The following ARHGEF2 variants were observed in gnomAD, a reference collection of about 807,000 sequenced individuals.
ARHGEF2 encodes Rho/Rac guanine nucleotide exchange factor 2, also known as rho guanine nucleotide exchange factor 2.
Under a neutral mutation model 121.0 loss-of-function variants are expected in ARHGEF2, and 22 were observed. The observed-to-expected ratio is 0.18, with a 90% CI of 0.13 to 0.26. The LOEUF (loss-of-function observed/expected upper bound fraction) is 0.26. Ranked by LOEUF, ARHGEF2 falls within the 10% of genes least tolerant of loss-of-function variation. The pLI is 1.00. For synonymous variants in ARHGEF2, 487 were observed against 530.0 expected, an observed-to-expected ratio of 0.92 and a Z score of 1.11; for missense variants, 907 against 1,336.0, an observed-to-expected ratio of 0.68 and a Z score of 5.01.
chr1:155,955,539 G>C (rs1676484141), intron 13 of ARHGEF2, among the ~76,000 whole-genome samples: 1 of 152,134 alleles, frequency 6.6e-6, no homozygotes, highest in Admixed American at 6.6e-5. Context: ...CAAGCAAACA[G>C]GATGCAAATC....
chr1:155,952,516 G>T, intron 15 of ARHGEF2, 112 bp downstream of exon 15: 2 of 1,273,270 alleles, frequency 1.6e-6, no homozygotes, highest in South Asian at 1.4e-5. Flanking sequence ...GGCCGTTTAT[G>T]GTTTATAGGG....
rs1020770889 is a variant in ARHGEF2, at chr1:155,947,069, G to C, written c.*873C>G. 1 of 221,512 alleles carries C rather than the reference G, an allele frequency of 4.5e-6. No individual in the cohort carries two copies. The highest frequency in any genetic ancestry group is 2.3e-5 in the African/African-American group (1 of 42,714). The allele number at this position is 221,512 out of a possible 1,614,324, so 13.7% of individuals were successfully genotyped here. On this transcript the variant is annotated 3_prime_UTR_variant, in exon 22 of 22. Transcript: ENST00000361247. ...GATTTTCCAACCCACCCTAGAACTT[G>C]TTTCTAAATGGCTGGGGAAGAGGTC...
At chr1:155,952,917 G>A (rs1675804789) in intron 14 of ARHGEF2, 89 bp from the exon 15 acceptor site, 3 of 1,179,616 alleles carry the variant, frequency 2.5e-6, no homozygotes, top group Non-Finnish European at 3.7e-6. Context: ...GAGGGGTAGG[G>A]TGGGGCAGTG....
chr1:155,967,147 G>C (rs1393982287), intron 2 of ARHGEF2, among the ~76,000 whole-genome samples: 6 of 152,128 alleles, frequency 3.9e-5, no homozygotes, highest in Admixed American at 3.9e-4. Context: ...ACCCCAAGGT[G>C]GCCTGAAGGG....
chr1:155,962,644 C>T lies in ARHGEF2; in HGVS notation c.1050G>A (p.Lys350=). The change falls in exon 9 of 22, where the codon AAG becomes AAA. Residue 350 remains lysine, a synonymous_variant. Coordinates refer to ENST00000361247, the MANE Select transcript of ARHGEF2 (RefSeq NM_001162383.2). The surrounding 1 kb of genome is among the most constrained non-coding windows in gnomAD (Gnocchi z 5.8). ...CTCGGGCGTACAGCTCCTTATAGAG[C>T]TTTAAGGCCTTGCTGTGGCGGCTGC... is the stretch of plus-strand genomic sequence containing the variant. The part of the protein sequence containing the change: ...EFCSRHSKAL[K]LYKELYARDK... 6.2e-7 allele frequency: 1 copy of T among 1,614,164 alleles called. No individual in the cohort carries two copies. The highest frequency in any genetic ancestry group is 1.3e-5 in the African/African-American group (1 of 75,036).
intron 11 of ARHGEF2, among the ~76,000 whole-genome samples, chr1:155,959,973 G>C (rs1677551212): frequency 6.6e-6 from 1 of 152,060 alleles, no homozygotes; most frequent in Non-Finnish European, 1.5e-5. Context: ...AGCTTGGTAG[G>C]GAGGGAGAAA....
chr1:155,952,348 G>A (rs1572060375), intron 15 of ARHGEF2, 113 bp from the exon 16 acceptor site: 1 of 1,443,466 alleles, frequency 6.9e-7, no homozygotes, highest in South Asian at 1.3e-5. Flanking sequence ...CCCCTGCACT[G>A]GCAGTGGGGT....
chr1:155,965,829 GCTC>G lies in ARHGEF2; in HGVS notation c.341-72_341-70del. ...GCTTCCCAGGATTGAGGCCTCCTAG[GCTC>G]CTCAATGAGGAATGAGGCATCCTCT... On this transcript the variant is annotated intron_variant, in intron 4 of 21. Transcript: ENST00000361247. This position sits in a 1 kb window ranked among gnomAD's most constrained non-coding sequence, Gnocchi z 6.0. 6.6e-7 allele frequency: 1 copy of G among 1,509,870 alleles called. No homozygotes were observed. Among genetic ancestry groups the G allele is most frequent in the Non-Finnish European group, 8.8e-7 (1 of 1,139,258 alleles). 93.5% of individuals were successfully genotyped at this position (1,509,870 alleles called of 1,614,324 possible).
In ARHGEF2 at chr1:155,950,579, G is replaced by A; in HGVS notation, c.2704-97C>T. On this transcript the variant is annotated intron_variant, in intron 20 of 21. Transcript: ENST00000361247. The surrounding 1 kb of genome is among the most constrained non-coding windows in gnomAD (Gnocchi z 5.2). ...TGAAGGCAGCAGCTCTCCCCCCTGG[G>A]GCTCACCCATGAGTCCCCTTCAGGA... 1 of 1,337,192 alleles carries A rather than the reference G, an allele frequency of 7.5e-7. No individual in the cohort carries two copies. Among genetic ancestry groups the A allele is most frequent in the African/African-American group, 1.4e-5 (1 of 69,662 alleles). 82.8% of individuals were successfully genotyped at this position (1,337,192 alleles called of 1,614,324 possible). A position where few individuals can be genotyped will look rare whatever the true frequency, so the allele number is the denominator to read the frequency against.
chr1:155,964,944 G>T, intron 7 of ARHGEF2, 44 bp downstream of exon 7: 1 of 1,568,816 alleles, frequency 6.4e-7, no homozygotes, highest in Non-Finnish European at 8.6e-7. Flanking sequence ...TAGATAAACA[G>T]GACCTGGTGA....
Position 155,965,239 on chromosome 1 carries a change from A to G in ARHGEF2, c.580+64T>C, listed in dbSNP as rs775155978. On this transcript the variant is annotated intron_variant, in intron 6 of 21. Coordinates refer to ENST00000361247, the MANE Select transcript of ARHGEF2 (RefSeq NM_001162383.2). The surrounding 1 kb of genome is among the most constrained non-coding windows in gnomAD (Gnocchi z 6.0). ...CTTGTCCTTCCAGGCTACTCCCACC[A>G]GCCTCTCATCCCCCAGCCCCTCTTC... The G allele has an allele frequency of 4.1e-4, 659 of 1,606,886 alleles. No homozygotes were observed. The highest frequency in any genetic ancestry group is 5.0e-4 in the Non-Finnish European group (589 of 1,173,852).
chr1:155,959,951 C>T (rs1378971979), intron 11 of ARHGEF2, among the ~76,000 whole-genome samples: 1 of 152,278 alleles, frequency 6.6e-6, no homozygotes, highest in East Asian at 1.9e-4. Context: ...CATATTCCCA[C>T]TTCTAATTTT....
In ARHGEF2 at chr1:155,950,566, C is replaced by G. The variant is rs1675207275; in HGVS notation, c.2704-84G>C. 1.4e-6 allele frequency: 2 copies of G among 1,432,898 alleles called. No individual in the cohort carries two copies. Among genetic ancestry groups the G allele is most frequent in the African/African-American group, 1.4e-5 (1 of 71,688 alleles). 88.8% of individuals were successfully genotyped at this position (1,432,898 alleles called of 1,614,324 possible). ...GGTTCTGCTTGGCTGAAGGCAGCAG[C>G]TCTCCCCCCTGGGGCTCACCCATGA... On this transcript the variant is annotated intron_variant, in intron 20 of 21. Coordinates refer to ENST00000361247, the MANE Select transcript of ARHGEF2 (RefSeq NM_001162383.2). The surrounding 1 kb of genome is among the most constrained non-coding windows in gnomAD (Gnocchi z 5.2).
intron 21 of ARHGEF2, among the ~76,000 whole-genome samples, chr1:155,949,188 G>A (rs1307656535): frequency 9.9e-5 from 15 of 151,668 alleles, no homozygotes; most frequent in African/African-American, 3.4e-4. Flanking sequence ...AGGAGGTGGA[G>A]GTTGCAGTGA....
chr1:155,957,618 G>A (rs1676953645), intron 13 of ARHGEF2, 95 bp downstream of exon 13: 4 of 1,399,598 alleles, frequency 2.9e-6, no homozygotes, highest in Admixed American at 2.2e-5. Flanking sequence ...ACCTCTGAAT[G>A]CTGGATTCTG....
chr1:155,974,201 G>T (rs1399631882), intron 1 of ARHGEF2, among the ~76,000 whole-genome samples: 1 of 152,058 alleles, frequency 6.6e-6, no homozygotes, highest in Admixed American at 6.6e-5. Context: ...AGCTGCCTTT[G>T]CTTCTCTCTC....
chr1:155,957,104 A>T (rs902834687), intron 13 of ARHGEF2, among the ~76,000 whole-genome samples: 1 of 152,060 alleles, frequency 6.6e-6, no homozygotes, highest in Non-Finnish European at 1.5e-5. Context: ...TTCATTCTTT[A>T]GGCATAATCT....
intron 2 of ARHGEF2, among the ~76,000 whole-genome samples, chr1:155,967,947 G>A (rs536142831): frequency 2.0e-5 from 3 of 152,218 alleles, no homozygotes; most frequent in Admixed American, 1.3e-4. Context: ...AGAAGTGGGG[G>A]TTGCAGCTGC....
chr1:155,978,578 A>G, upstream of ARHGEF2: 1 of 1,269,316 alleles, frequency 7.9e-7, no homozygotes, highest in Non-Finnish European at 1.0e-6. The surrounding 1 kb of genome is among the most constrained non-coding windows in gnomAD (Gnocchi z 4.1). Context: ...CCAGTTCCTC[A>G]AACCCGAGTC....
Sources: allele counts gnomAD v4.1 joint callset (sites outside exome capture counted in the v4.1 genomes callset), GRCh38; gene constraint gnomAD v4.1.1; non-coding constraint Gnocchi (gnomAD v3.1); transcripts MANE v1.5; gene names NCBI Gene and HGNC (gene_info 2026-07-23, HGNC 2026-07-21).